The following ZFHX3 variants were observed in gnomAD, a reference collection of about 807,000 sequenced individuals.
The protein encoded by ZFHX3 is zinc finger homeobox 3.
Under a neutral mutation model 279.1 loss-of-function variants are expected in ZFHX3, and 42 were observed. That is an observed-to-expected ratio of 0.15 (90% CI 0.12 to 0.19). ZFHX3 has a LOEUF of 0.19. Among genes scored for constraint, ZFHX3 ranks in the 10% least tolerant of loss-of-function variants. ZFHX3 has a pLI of 1.00. For synonymous variants in ZFHX3, 2,293 were observed against 1,957.8 expected, an observed-to-expected ratio of 1.17 and a Z score of -4.52; for missense variants, 4,981 against 4,754.0, an observed-to-expected ratio of 1.05 and a Z score of -1.40.
intron 8 of ZFHX3, 127 bp from the exon 9 acceptor site, chr16:72,798,841 C>A (rs2036004940): frequency 4.2e-6 from 6 of 1,413,954 alleles, no homozygotes; most frequent in Admixed American, 6.2e-5. Flanking sequence ...AAGTGCCCAA[C>A]CTGAATGACA....
chr16:73,389,650 A>G (rs974489210), intron 3 of ZFHX3, among the ~76,000 whole-genome samples: 5 of 152,222 alleles, frequency 3.3e-5, no homozygotes, highest in African/African-American at 7.2e-5. Context: ...ATGTTTCCCA[A>G]CAGCTCTATT....
At chr16:73,385,956 G>A (rs910629279) in intron 3 of ZFHX3, among the ~76,000 whole-genome samples, 19 of 151,886 alleles carry the variant, frequency 1.3e-4, no homozygotes, top group African/African-American at 4.6e-4. Context: ...AACCCCAGTG[G>A]AATGTTTCAC....
intron 1 of ZFHX3, among the ~76,000 whole-genome samples, chr16:73,842,053 TAA>T (rs1346696116): frequency 7.0e-6 from 1 of 143,822 alleles, no homozygotes. Context: ...GTCTCTACTT[TAA>T]AAAAAAAAAA....
At chr16:72,926,302 C>G (rs1382397339) in intron 3 of ZFHX3, among the ~76,000 whole-genome samples, 1 of 152,262 alleles carries the variant, frequency 6.6e-6, no homozygotes, top group East Asian at 1.9e-4. Flanking sequence ...GCGTCTCTGT[C>G]TCTCTCACAC....
At chr16:73,183,742 T>G (rs1019237384) in intron 5 of ZFHX3, among the ~76,000 whole-genome samples, 4 of 152,174 alleles carry the variant, frequency 2.6e-5, no homozygotes, top group African/African-American at 9.7e-5. Flanking sequence ...CTCTGAATGG[T>G]TTCCAGGGTG....
intron 3 of ZFHX3, among the ~76,000 whole-genome samples, chr16:73,322,441 G>A (rs543046040): frequency 1.3e-5 from 2 of 152,308 alleles, no homozygotes; most frequent in South Asian, 2.1e-4. Context: ...ATGGAAATAC[G>A]CTGTGATATT....
intron 4 of ZFHX3, among the ~76,000 whole-genome samples, chr16:72,859,069 C>A (rs192326371): frequency 1.2e-4 from 19 of 152,374 alleles, no homozygotes; most frequent in African/African-American, 4.1e-4. Context: ...GCTTCTGTGC[C>A]TCTGAAAGCC....
At chr16:72,829,584 A>T in intron 5 of ZFHX3, 195 bp downstream of exon 5, 1 of 602,224 alleles carries the variant, frequency 1.7e-6, no homozygotes, top group South Asian at 2.2e-5. Flanking sequence ...AGTATAATGT[A>T]GTATAATAAA....
At chr16:72,842,502 T>C (rs2037369830) in intron 4 of ZFHX3, among the ~76,000 whole-genome samples, 1 of 152,064 alleles carries the variant, frequency 6.6e-6, no homozygotes, top group Non-Finnish European at 1.5e-5. Flanking sequence ...CAAAGAAGGG[T>C]AAAACAAGCC....
At chr16:73,055,326 G>A (rs747266572) in intron 1 of ZFHX3, among the ~76,000 whole-genome samples, 2 of 151,966 alleles carry the variant, frequency 1.3e-5, no homozygotes, top group Non-Finnish European at 2.9e-5. Flanking sequence ...GGGAGCCTAT[G>A]TCTATGCAGG....
intron 1 of ZFHX3, among the ~76,000 whole-genome samples, chr16:73,773,746 T>C (rs150424457): frequency 6.6e-6 from 1 of 152,196 alleles, no homozygotes; most frequent in East Asian, 1.9e-4. Flanking sequence ...GCCATGGGTG[T>C]TGATGAAAAC....
At chr16:73,238,082 C>G (rs1384665451) in intron 5 of ZFHX3, among the ~76,000 whole-genome samples, 1 of 152,188 alleles carries the variant, frequency 6.6e-6, no homozygotes, top group Non-Finnish European at 1.5e-5. Context: ...CAAGACGTCT[C>G]CTCTGTCATA....
intron 8 of ZFHX3, among the ~76,000 whole-genome samples, chr16:73,069,347 G>A (rs936370394): frequency 6.6e-6 from 1 of 152,152 alleles, no homozygotes; most frequent in African/African-American, 2.4e-5. Flanking sequence ...CGGGTGGCAG[G>A]GGGGAAGCAA....
intron 3 of ZFHX3, among the ~76,000 whole-genome samples, chr16:72,949,437 C>T (rs1023621023): frequency 6.6e-6 from 1 of 152,108 alleles, no homozygotes; most frequent in Non-Finnish European, 1.5e-5. Flanking sequence ...ATACTAAAGC[C>T]ATTATGGGAT....
intron 1 of ZFHX3, among the ~76,000 whole-genome samples, chr16:73,838,785 T>TGC (rs1259797284): frequency 6.8e-6 from 1 of 146,934 alleles, no homozygotes; most frequent in African/African-American, 2.7e-5. Flanking sequence ...TGTGTGTGTG[T>TGC]GTGTGCGTGC....
At chr16:73,885,492 T>G (rs1008505951) in intron 1 of ZFHX3, among the ~76,000 whole-genome samples, 85 of 152,248 alleles carry the variant, frequency 5.6e-4, no homozygotes, top group African/African-American at 2.0e-3. Flanking sequence ...TCTCACTGAA[T>G]CTCTGAAAAG....
rs1394706918 is a variant in ZFHX3 at position 72,827,845 on chromosome 16, T to A, written c.3529+1934A>T. 5.3e-5 allele frequency among the ~76,000 whole-genome samples: 8 copies of A among 152,188 alleles called. 1 individual carries two copies. The East Asian group carries it at 1.5e-3, about 29-fold the overall frequency. On this transcript the variant is annotated intron_variant, in intron 5 of 9. Transcript: ENST00000268489. ...GTCTGAAGGGGAATGCTAAGCACAG[T>A]GGACAGTAGAATCCACCTGGTGTGC... is the stretch of plus-strand genomic sequence containing the variant.
chr16:73,080,970 C>T (rs373719526), intron 8 of ZFHX3, among the ~76,000 whole-genome samples: 6 of 152,290 alleles, frequency 3.9e-5, no homozygotes, highest in Middle Eastern at 3.4e-3. Flanking sequence ...TCCCTCCACC[C>T]GAGTTTGTGC....
At chr16:72,875,374 C>G (rs1008720442) in intron 4 of ZFHX3, among the ~76,000 whole-genome samples, 3 of 152,230 alleles carry the variant, frequency 2.0e-5, no homozygotes, top group African/African-American at 4.8e-5. Context: ...GGCTGCAGAT[C>G]CAACACAGCT....
Sources: gnomAD v4.1 joint callset for allele counts (sites outside exome capture counted in the v4.1 genomes callset) on GRCh38, gnomAD v4.1.1 for gene constraint, MANE v1.5 for transcripts, NCBI Gene and HGNC (gene_info 2026-07-23, HGNC 2026-07-21) for gene names.